Variants in TACR3 observed in about 807,000 individuals in gnomAD.
TACR3 encodes the protein neuromedin-K receptor.
In TACR3, 34 loss-of-function variants were observed where a neutral mutation model predicts 35.0. That is an observed-to-expected ratio of 0.97 (90% CI 0.74 to 1.30). The LOEUF (loss-of-function observed/expected upper bound fraction) is 1.30. TACR3 is among the 50% of genes most tolerant of loss of function. The pLI is 0.00. For missense variants in TACR3, 558 were observed against 591.7 expected, an observed-to-expected ratio of 0.94 and a Z score of 0.59; for synonymous variants, 233 against 221.1, an observed-to-expected ratio of 1.05 and a Z score of -0.48.
chr4:103,697,449 G>T (rs1722546195), intron 1 of TACR3, among the ~76,000 whole-genome samples: 1 of 149,362 alleles, frequency 6.7e-6, no homozygotes, highest in African/African-American at 2.5e-5. Context: ...TTTTGAGACG[G>T]AGTCTCCTTC....
At chr4:103,686,182 G>C (rs1442077676) in intron 1 of TACR3, among the ~76,000 whole-genome samples, 1 of 152,166 alleles carries the variant, frequency 6.6e-6, no homozygotes, top group African/African-American at 2.4e-5. Context: ...GCACAGGGCT[G>C]TGCCACTTAG....
At chr4:103,651,398 G>C (rs1047801733) in intron 3 of TACR3, among the ~76,000 whole-genome samples, 2 of 151,860 alleles carry the variant, frequency 1.3e-5, no homozygotes, top group African/African-American at 4.8e-5. Context: ...AGTACTGCCA[G>C]ACTACCACCT....
Position 103,589,455 on chromosome 4 carries a change from G to A in TACR3, c.*227C>T, listed in dbSNP as rs1352299271. 1.9e-6 allele frequency: 1 copy of A among 525,156 alleles called. No homozygotes were observed. The highest frequency in any genetic ancestry group is 3.2e-5 in the East Asian group (1 of 31,426). The allele number at this position is 525,156 out of a possible 1,614,324, so 32.5% of individuals were successfully genotyped here. A position where few individuals can be genotyped will look rare whatever the true frequency, so the allele number is the denominator to read the frequency against. ...TGTTCATTGCATATAATAATTTAGA[G>A]TTTTCAAAGAATAAATTTAAAGCCC... is the stretch of plus-strand genomic sequence containing the variant. On this transcript the variant is annotated 3_prime_UTR_variant, in exon 5 of 5. Coordinates refer to ENST00000304883, the MANE Select transcript of TACR3 (RefSeq NM_001059.3).
At chr4:103,617,365 C>A (rs947013086) in intron 3 of TACR3, among the ~76,000 whole-genome samples, 1 of 152,098 alleles carries the variant, frequency 6.6e-6, no homozygotes, top group Admixed American at 6.5e-5. Context: ...CAAAACATTT[C>A]ATTTTAATCA....
At chr4:103,680,389 C>G (rs1726264678) in intron 1 of TACR3, among the ~76,000 whole-genome samples, 1 of 150,634 alleles carries the variant, frequency 6.6e-6, no homozygotes, top group Non-Finnish European at 1.5e-5. Context: ...TAGTAAAAAT[C>G]AAACAACATG....
intron 3 of TACR3, chr4:103,624,576 C>A (rs1168235688): frequency 1.3e-5 from 2 of 152,116 alleles, no homozygotes; most frequent in African/African-American, 4.8e-5. Context: ...TTGGAATTTA[C>A]AACTTAAGCA....
At chr4:103,594,620 C>G (rs890824250) in intron 3 of TACR3, among the ~76,000 whole-genome samples, 6 of 152,096 alleles carry the variant, frequency 3.9e-5, no homozygotes, top group Non-Finnish European at 1.5e-5. Flanking sequence ...TCCCTATGCA[C>G]AAAATTGTTT....
At chr4:103,612,562 G>T (rs1724535988) in intron 3 of TACR3, among the ~76,000 whole-genome samples, 1 of 152,050 alleles carries the variant, frequency 6.6e-6, no homozygotes, top group Non-Finnish European at 1.5e-5. Context: ...ACCCAGGCTG[G>T]AGTGCAGTGG....
intron 1 of TACR3, among the ~76,000 whole-genome samples, chr4:103,716,989 T>A (rs1477903163): frequency 6.6e-6 from 1 of 152,130 alleles, no homozygotes. Context: ...ATATATCCTA[T>A]AAAATGATGG....
intron 1 of TACR3, among the ~76,000 whole-genome samples, chr4:103,701,155 G>A (rs1340367143): frequency 1.3e-4 from 20 of 151,986 alleles, no homozygotes; most frequent in Non-Finnish European, 1.3e-4. Flanking sequence ...AAACCCCATT[G>A]TCTCAGCCCA....
At chr4:103,599,771 A>C (rs1445122581) in intron 3 of TACR3, among the ~76,000 whole-genome samples, 3 of 152,164 alleles carry the variant, frequency 2.0e-5, no homozygotes, top group Non-Finnish European at 4.4e-5. Flanking sequence ...TGATTTGCGT[A>C]TGTCGAACCA....
intron 3 of TACR3, among the ~76,000 whole-genome samples, chr4:103,653,564 T>C (rs1392206016): frequency 6.6e-6 from 1 of 152,116 alleles, no homozygotes; most frequent in Non-Finnish European, 1.5e-5. Flanking sequence ...GATTAAAGAC[T>C]TACATGTTCG....
chr4:103,601,196 C>A (rs549882531), intron 3 of TACR3, among the ~76,000 whole-genome samples: 4 of 152,042 alleles, frequency 2.6e-5, no homozygotes, highest in South Asian at 2.1e-4. Flanking sequence ...GAATTGATCC[C>A]TTTACCATTA....
chr4:103,608,507 A>G (rs1166130306), intron 3 of TACR3, among the ~76,000 whole-genome samples: 3 of 152,064 alleles, frequency 2.0e-5, no homozygotes, highest in African/African-American at 7.2e-5. Flanking sequence ...GCATCACACT[A>G]TATACCCATG....
At chr4:103,607,373 A>G (rs931553954) in intron 3 of TACR3, among the ~76,000 whole-genome samples, 4 of 152,106 alleles carry the variant, frequency 2.6e-5, no homozygotes, top group Admixed American at 2.6e-4. Flanking sequence ...GAACATTTGA[A>G]TTGCAGGAAG....
chr4:103,607,815 A>G (rs983003754), intron 3 of TACR3, among the ~76,000 whole-genome samples: 5 of 152,134 alleles, frequency 3.3e-5, no homozygotes, highest in Non-Finnish European at 7.4e-5. Flanking sequence ...TGGAAAGGAT[A>G]TCAGGAACAA....
chr4:103,691,284 G>T (rs907790174), intron 1 of TACR3, among the ~76,000 whole-genome samples: 2 of 152,136 alleles, frequency 1.3e-5, no homozygotes. Flanking sequence ...ACAAACTCTT[G>T]ATACACGGAT....
intron 3 of TACR3, among the ~76,000 whole-genome samples, chr4:103,632,820 A>G (rs1725097656): frequency 6.6e-6 from 1 of 152,136 alleles, no homozygotes; most frequent in Admixed American, 6.6e-5. Context: ...TCATTTTAGC[A>G]TTAAATATAA....
intron 1 of TACR3, among the ~76,000 whole-genome samples, chr4:103,667,952 C>T (rs1202733805): frequency 6.6e-6 from 1 of 152,046 alleles, no homozygotes; most frequent in Non-Finnish European, 1.5e-5. Flanking sequence ...CCTCAGTCTC[C>T]TGAGTAGCTG....
Sources: gnomAD v4.1 joint callset for allele counts (sites outside exome capture counted in the v4.1 genomes callset) on GRCh38, gnomAD v4.1.1 for gene constraint, MANE v1.5 for transcripts, NCBI Gene and HGNC (gene_info 2026-07-23, HGNC 2026-07-21) for gene names.